TCF12: variants seen among roughly 807,000 people sequenced by gnomAD.
TCF12 encodes the protein DNA-binding protein HTF4.
TCF12 carries 45 observed loss-of-function variants against 86.0 expected under a neutral mutation model. The ratio of observed to expected loss-of-function variants is 0.52; its 90% CI spans 0.41 to 0.67. The LOEUF is 0.67. Among genes scored for constraint, TCF12 ranks in the 30% least tolerant of loss-of-function variants. TCF12 has a pLI of 0.00. For synonymous variants in TCF12, 330 were observed against 299.6 expected, an observed-to-expected ratio of 1.10 and a Z score of -1.05; for missense variants, 881 against 859.9, an observed-to-expected ratio of 1.02 and a Z score of -0.31.
At chr15:57,252,594 A>G (rs1159855324) in intron 15 of TCF12, 102 bp downstream of exon 15, 11 of 952,536 alleles carry the variant, frequency 1.2e-5, no homozygotes, top group East Asian at 2.6e-5. Context: ...ATCTTTAAAA[A>G]TCAAACAGTT....
intron 5 of TCF12, among the ~76,000 whole-genome samples, chr15:57,164,567 C>T (rs1446015667): frequency 6.6e-6 from 1 of 152,164 alleles, no homozygotes; most frequent in African/African-American, 2.4e-5. Flanking sequence ...TACCTCCCAC[C>T]AGGTCCCTCC....
chr15:57,000,220 G>A (rs1246825564), intron 3 of TCF12, among the ~76,000 whole-genome samples: 1 of 152,080 alleles, frequency 6.6e-6, no homozygotes, highest in East Asian at 1.9e-4. Context: ...TATCACCAGG[G>A]ATGGAGTGCA....
chr15:57,113,387 C>T (rs1421788966), intron 5 of TCF12, among the ~76,000 whole-genome samples: 1 of 152,186 alleles, frequency 6.6e-6, no homozygotes, highest in Non-Finnish European at 1.5e-5. Context: ...GTACACCTCT[C>T]TCTTTTTCTG....
chr15:56,976,622 G>A (rs1381220001), intron 3 of TCF12, among the ~76,000 whole-genome samples: 1 of 151,958 alleles, frequency 6.6e-6, no homozygotes, highest in Non-Finnish European at 1.5e-5. Flanking sequence ...TAGGCATTGA[G>A]CATCATGAAT....
chr15:56,926,126 A>G (rs1327025967), intron 3 of TCF12, among the ~76,000 whole-genome samples: 1 of 152,128 alleles, frequency 6.6e-6, no homozygotes. Context: ...AGCCTGGCCA[A>G]CGTAGCAAAA....
At chr15:57,015,079 A>G (rs1367123164) in intron 3 of TCF12, among the ~76,000 whole-genome samples, 3 of 152,046 alleles carry the variant, frequency 2.0e-5, no homozygotes, top group African/African-American at 7.2e-5. Context: ...GCTTGGGCTC[A>G]GGAGTTCAAG....
At chr15:57,144,696 C>T (rs1267959856) in intron 5 of TCF12, among the ~76,000 whole-genome samples, 1 of 152,098 alleles carries the variant, frequency 6.6e-6, no homozygotes, top group Non-Finnish European at 1.5e-5. Context: ...CCTCCTGAGC[C>T]CAAGTGATCC....
intron 3 of TCF12, among the ~76,000 whole-genome samples, chr15:56,968,114 G>C (rs559238097): frequency 2.6e-5 from 4 of 151,922 alleles, no homozygotes; most frequent in Admixed American, 1.3e-4. Flanking sequence ...GTGCCACAAC[G>C]CCTGGCTAAT....
intron 18 of TCF12, among the ~76,000 whole-genome samples, chr15:57,270,569 C>T (rs576671895): frequency 6.6e-6 from 1 of 152,300 alleles, no homozygotes; most frequent in Non-Finnish European, 1.5e-5. Context: ...TCTGTCAACT[C>T]ATCAAACTCA....
intron 3 of TCF12, among the ~76,000 whole-genome samples, chr15:57,032,906 C>A (rs541550639): frequency 6.6e-6 from 1 of 152,158 alleles, no homozygotes; most frequent in Non-Finnish European, 1.5e-5. Context: ...ACATTAAACC[C>A]TCCATTATGA....
chr15:57,170,758 ATT>A (rs2055392659), intron 6 of TCF12, among the ~76,000 whole-genome samples: 2 of 42,858 alleles, frequency 4.7e-5, no homozygotes, highest in African/African-American at 9.0e-5. Context: ...TATATTATAT[ATT>A]ATATATATAT....
chr15:57,020,368 T>C (rs1265876035), intron 3 of TCF12, among the ~76,000 whole-genome samples: 1 of 152,178 alleles, frequency 6.6e-6, no homozygotes, highest in Admixed American at 6.5e-5. Context: ...TCTTAAAGTA[T>C]AGAAGTGGAG....
At chr15:56,992,808 AG>A (rs1249097813) in intron 3 of TCF12, among the ~76,000 whole-genome samples, 2 of 152,218 alleles carry the variant, frequency 1.3e-5, no homozygotes, top group East Asian at 3.8e-4. Context: ...AAGAATGCTT[AG>A]GACTATTGTC....
At chr15:56,925,701 G>T (rs989769565) in intron 3 of TCF12, among the ~76,000 whole-genome samples, 1 of 152,122 alleles carries the variant, frequency 6.6e-6, no homozygotes, top group African/African-American at 2.4e-5. Flanking sequence ...AAAAGAAAAA[G>T]AAGTGCTATT....
chr15:57,106,887 A>G (rs1304922647), intron 5 of TCF12, among the ~76,000 whole-genome samples: 1 of 152,240 alleles, frequency 6.6e-6, no homozygotes, highest in Non-Finnish European at 1.5e-5. Context: ...CATGTATTAA[A>G]ACAACCAAAA....
At chr15:57,059,696 G>T (rs1197036821) in intron 3 of TCF12, among the ~76,000 whole-genome samples, 1 of 128,988 alleles carries the variant, frequency 7.8e-6, no homozygotes, top group Non-Finnish European at 1.6e-5. Flanking sequence ...AAACTCTGCA[G>T]TGTTAACAAT....
intron 6 of TCF12, among the ~76,000 whole-genome samples, chr15:57,184,311 A>G (rs1298499315): frequency 1.3e-5 from 2 of 152,156 alleles, no homozygotes; most frequent in African/African-American, 4.8e-5. Flanking sequence ...CAAGAAAAGT[A>G]TTTTCAAAAA....
chr15:57,040,195 A>G (rs1448428522), intron 3 of TCF12, among the ~76,000 whole-genome samples: 1 of 152,150 alleles, frequency 6.6e-6, no homozygotes, highest in African/African-American at 2.4e-5. Context: ...TCCCCATTGT[A>G]GAGTACATTC....
intron 5 of TCF12, among the ~76,000 whole-genome samples, chr15:57,156,272 A>G (rs2054102164): frequency 6.6e-6 from 1 of 152,236 alleles, no homozygotes; most frequent in Non-Finnish European, 1.5e-5. Flanking sequence ...GTTGATGAGC[A>G]TATCAATTTC....
Sources: allele counts gnomAD v4.1 joint callset (sites outside exome capture counted in the v4.1 genomes callset), GRCh38; gene constraint gnomAD v4.1.1; transcripts MANE v1.5; gene names NCBI Gene and HGNC (gene_info 2026-07-23, HGNC 2026-07-21).